DFFA: variants seen among roughly 807,000 people sequenced by gnomAD.
DFFA encodes DFF45.
DFFA carries 14 observed loss-of-function variants against 28.0 expected under a neutral mutation model. That is an observed-to-expected ratio of 0.50 (90% CI 0.33 to 0.78). DFFA has a LOEUF of 0.78. Among genes scored for constraint, DFFA ranks in the 30% least tolerant of loss-of-function variants. DFFA has a pLI of 0.02. For missense variants in DFFA, 395 were observed against 407.1 expected, an observed-to-expected ratio of 0.97 and a Z score of 0.26; for synonymous variants, 158 against 170.3, an observed-to-expected ratio of 0.93 and a Z score of 0.56.
In DFFA at chr1:10,469,262, A is replaced by T; in HGVS notation, c.213T>A (p.Asp71Glu). 6.2e-7 allele frequency: 1 copy of T among 1,614,200 alleles called. No individual in the cohort carries two copies. Among genetic ancestry groups the T allele is most frequent in the Non-Finnish European group, 8.5e-7 (1 of 1,180,010 alleles). ...LVLAEDGTIV[D>E]DDDYFLCLPS... ...GTAGACACAGAAAGTAATCGTCATC[A>T]TCCACTATGGTGCCATCCTCTGCCA... Residue 71 changes from aspartate to glutamate, a missense_variant, in exon 2 of 6, where the codon GAT becomes GAA. Coordinates refer to ENST00000377038, the MANE Select transcript of DFFA (RefSeq NM_004401.3).
intron 3 of DFFA, among the ~76,000 whole-genome samples, chr1:10,466,618 C>T (rs1409252910): frequency 1.3e-5 from 2 of 152,010 alleles, no homozygotes; most frequent in African/African-American, 4.8e-5. Context: ...ATCCCTGACC[C>T]CAGCGTCCAC....
chr1:10,464,161 C>A (rs1191445238), intron 3 of DFFA, among the ~76,000 whole-genome samples: 1 of 151,410 alleles, frequency 6.6e-6, no homozygotes, highest in Non-Finnish European at 1.5e-5. Flanking sequence ...GGCACGATCT[C>A]GGCTCACTGC....
chr1:10,465,378 GC>G (rs1641006693), intron 3 of DFFA, among the ~76,000 whole-genome samples: 1 of 151,754 alleles, frequency 6.6e-6, no homozygotes, highest in Non-Finnish European at 1.5e-5. Context: ...TGATTCTCCT[GC>G]CTCAGCCTCC....
chr1:10,461,534 C>G lies in DFFA; in HGVS notation c.952G>C (p.Gly318Arg), dbSNP rs769771336. ...GCTCGCTTAGGATTCTGCAGGTCAC[C>G]AGGTGGTGAGGCCTTGCTTGCTGAG... is the stretch of plus-strand genomic sequence containing the variant. ...SISASKASPP[G>R]DLQNPKRARQ... Residue 318 changes from glycine (G) to arginine (R), a missense_variant, in exon 6 of 6, where the codon GGT becomes CGT. Gly to Arg is a moderately radical substitution (Grantham distance 125, BLOSUM62 -2). Coordinates refer to ENST00000377038, the MANE Select transcript of DFFA (RefSeq NM_004401.3). 4.3e-6 allele frequency: 7 copies of G among 1,614,068 alleles called. No homozygotes were observed. In the South Asian group the frequency reaches 6.6e-5, roughly 15 times the overall value.
In DFFA at chr1:10,472,148, G is replaced by C. The variant is rs181284576; in HGVS notation, c.136+175C>G. The C allele has an allele frequency of 8.0e-4, 554 of 689,010 alleles. No individual in the cohort carries two copies. Among genetic ancestry groups the C allele is most frequent in the Non-Finnish European group, 9.3e-4 (426 of 456,532 alleles). 42.7% of individuals were successfully genotyped at this position (689,010 alleles called of 1,614,324 possible). ...TGGAGTCTCACACGAGATTAATTACGCTCAAGCGCCTTAAATCTGTAAATC... is the reference window on the plus strand; with the variant it reads ...TGGAGTCTCACACGAGATTAATTACCCTCAAGCGCCTTAAATCTGTAAATC... On this transcript the variant is annotated intron_variant, in intron 1 of 5. Transcript: ENST00000377038. This position sits in a 1 kb window ranked among gnomAD's most constrained non-coding sequence, Gnocchi z 5.0.
chr1:10,465,705 ATTTATT>A (rs1641012876), intron 3 of DFFA, among the ~76,000 whole-genome samples: 1 of 151,656 alleles, frequency 6.6e-6, no homozygotes, highest in Admixed American at 6.6e-5. Flanking sequence ...TTATTTATTT[ATTTATT>A]TTTGAGACAG....
Position 10,458,228 on chromosome 1 carries a change from C to T in DFFA, c.*3262G>A, listed in dbSNP as rs1640885327. On this transcript the variant is annotated 3_prime_UTR_variant, in exon 6 of 6. Coordinates refer to ENST00000377038, the MANE Select transcript of DFFA (RefSeq NM_004401.3). Reference sequence around the variant, plus strand: ...TGCAAGCATCTGACAGTGAAACACACACCACTTTGTTGGAAATTATTTTCC... The same window carrying T: ...TGCAAGCATCTGACAGTGAAACACATACCACTTTGTTGGAAATTATTTTCC... 1 of 152,192 alleles carries T rather than the reference C, an allele frequency of 6.6e-6. No individual in the cohort carries two copies. The highest frequency in any genetic ancestry group is 6.6e-5 in the Admixed American group (1 of 15,262). The allele number at this position is 152,192 out of a possible 1,614,324, so 9.4% of individuals were successfully genotyped here. A position where few individuals can be genotyped will look rare whatever the true frequency, so the allele number is the denominator to read the frequency against.
chr1:10,459,021 T>C lies in DFFA; in HGVS notation c.*2469A>G, dbSNP rs1187652140. ...GCGTGTACCACTACACCCGGCTAAT[T>C]TTTTATAATTTCAGTAGAGACGGGG... On this transcript the variant is annotated 3_prime_UTR_variant, in exon 6 of 6. Transcript: ENST00000377038. 2 of 150,966 alleles carry C rather than the reference T, an allele frequency of 1.3e-5. No individual in the cohort carries two copies. Among genetic ancestry groups the C allele is most frequent in the Non-Finnish European group, 2.9e-5 (2 of 67,840 alleles). The allele number at this position is 150,966 out of a possible 1,614,324, so 9.4% of individuals were successfully genotyped here.
rs956917618 is a variant in DFFA, at chr1:10,469,332, T to A, written c.143A>T (p.Asp48Val). ...CAGGGACTTATCAATGGCCAGAATG[T>A]CACAGGCTGAAAAGAATAAAATATT... The part of the protein sequence containing the change: ...CLEDLRSKAC[D>V]ILAIDKSLTP... The change falls in exon 2 of 6, where the codon GAC (aspartate) becomes GTC (valine). Residue 48 changes from aspartate to valine, a missense_variant. Coordinates refer to ENST00000377038, the MANE Select transcript of DFFA (RefSeq NM_004401.3). The A allele has an allele frequency of 1.2e-6, 2 of 1,613,174 alleles. No homozygotes were observed. Among genetic ancestry groups the A allele is most frequent in the Non-Finnish European group, 1.7e-6 (2 of 1,179,766 alleles).
At chr1:10,467,042 T>G in intron 3 of DFFA, 148 bp downstream of exon 3, 1 of 921,572 alleles carries the variant, frequency 1.1e-6, no homozygotes. Context: ...AATGAGAAGA[T>G]GAAAAATCTT....
At position 10,458,103 on chromosome 1, in the gene DFFA, A is replaced by G. The variant is rs1319811055; in HGVS notation, c.*3387T>C. ...CACGTTTACTGTTCTGGGAAATCCC[A>G]TTTCCAAGGGCAACGCTGCTGACGG... On this transcript the variant is annotated 3_prime_UTR_variant, in exon 6 of 6. Transcript: ENST00000377038. 6.6e-6 allele frequency: 1 copy of G among 152,202 alleles called. No homozygotes were observed. Among genetic ancestry groups the G allele is most frequent in the Non-Finnish European group, 1.5e-5 (1 of 68,040 alleles). The allele number at this position is 152,202 out of a possible 1,614,324, so 9.4% of individuals were successfully genotyped here.
Position 10,461,455 on chromosome 1 carries a change from G to C in DFFA, c.*35C>G. The C allele has an allele frequency of 2.5e-6, 4 of 1,594,176 alleles. No homozygotes were observed. Among genetic ancestry groups the C allele is most frequent in the Non-Finnish European group, 3.4e-6 (4 of 1,169,262 alleles). On this transcript the variant is annotated 3_prime_UTR_variant, in exon 6 of 6. Transcript: ENST00000377038. ...TGAGGGTGTCTACCAATAACACAAC[G>C]CCACAGAGCTTCCTTGGCACACTTC...
chr1:10,460,532 T>A lies in DFFA; in HGVS notation c.*958A>T, dbSNP rs1203567380. ...TGTGAGCCACTGTCGTGCCTGTCCT[T>A]TTTTTTTTTTTTTTTGAGACAGAGT... On this transcript the variant is annotated 3_prime_UTR_variant, in exon 6 of 6. Coordinates refer to ENST00000377038, the MANE Select transcript of DFFA (RefSeq NM_004401.3). 1.1e-3 allele frequency: 3 copies of A among 2,834 alleles called. No homozygotes were observed. The highest frequency in any genetic ancestry group is 1.8e-3 in the African/African-American group (3 of 1,658). 0.2% of individuals were successfully genotyped at this position (2,834 alleles called of 1,614,324 possible).
At chr1:10,461,897 C>G in intron 5 of DFFA, 195 bp from the exon 6 acceptor site, 2 of 979,740 alleles carry the variant, frequency 2.0e-6, no homozygotes, top group Non-Finnish European at 2.4e-6. Flanking sequence ...CTCTGTCACC[C>G]AGGCTGGAGT....
At chr1:10,462,465 A>G in intron 5 of DFFA, 1 of 988,020 alleles carries the variant, frequency 1.0e-6, no homozygotes, top group African/African-American at 1.7e-5. Flanking sequence ...CACCAACAGG[A>G]AGAAGTCCTT....
intron 2 of DFFA, among the ~76,000 whole-genome samples, chr1:10,468,779 C>G (rs1440836059): frequency 6.6e-6 from 1 of 151,440 alleles, no homozygotes; most frequent in Admixed American, 6.6e-5. Context: ...CGTTCTGTCG[C>G]CCAGGCTGGA....
At position 10,461,937 on chromosome 1, in the gene DFFA, C is replaced by G. The variant is rs995649012; in HGVS notation, c.784-235G>C. 4.7e-6 allele frequency: 4 copies of G among 848,716 alleles called. No homozygotes were observed. The African/African-American group carries it at 7.3e-5, about 16-fold the overall frequency. The allele number at this position is 848,716 out of a possible 1,614,324, so 52.6% of individuals were successfully genotyped here. On this transcript the variant is annotated intron_variant, in intron 5 of 5. Coordinates refer to ENST00000377038, the MANE Select transcript of DFFA (RefSeq NM_004401.3). Reference sequence around the variant, plus strand: ...TGACACTATCTCGGCTCCCTGCAAGCTCCGCCTCCCGGATTCACGCCATTC... The same window carrying G: ...TGACACTATCTCGGCTCCCTGCAAGGTCCGCCTCCCGGATTCACGCCATTC...
chr1:10,463,707 C>T, intron 3 of DFFA, 87 bp from the exon 4 acceptor site: 1 of 1,375,576 alleles, frequency 7.3e-7, no homozygotes, highest in Non-Finnish European at 9.7e-7. Context: ...CTCTGTTGCC[C>T]AGGCTGGAGT....
chr1:10,462,771 G>A, intron 5 of DFFA: 1 of 1,264,658 alleles, frequency 7.9e-7, no homozygotes, highest in Non-Finnish European at 1.0e-6. Context: ...AGCCATCTCA[G>A]AAGATTGGGC....
Sources: gnomAD v4.1 joint callset for allele counts (sites outside exome capture counted in the v4.1 genomes callset) on GRCh38, gnomAD v4.1.1 for gene constraint, Gnocchi (gnomAD v3.1) non-coding constraint, MANE v1.5 for transcripts, NCBI Gene and HGNC (gene_info 2026-07-23, HGNC 2026-07-21) for gene names.